PARD3B: variants seen among roughly 807,000 people sequenced by gnomAD.
PARD3B encodes par-3 family cell polarity regulator beta.
In PARD3B, 103 loss-of-function variants were observed where a neutral mutation model predicts 130.2. That is an observed-to-expected ratio of 0.79 (90% CI 0.67 to 0.93). The LOEUF (loss-of-function observed/expected upper bound fraction) is 0.93. Among genes scored for constraint, PARD3B ranks in the 40% least tolerant of loss-of-function variants. The pLI is 0.00. For missense variants in PARD3B, 1,609 were observed against 1,499.2 expected (o/e 1.07, Z -1.21); for synonymous variants, 583 against 553.2 (o/e 1.05, Z -0.76).
rs976549828 is a variant in PARD3B, at chr2:205,268,079, T to C, written c.2185+22257T>C. On this transcript the variant is annotated intron_variant, in intron 16 of 22. Coordinates refer to ENST00000406610, the MANE Select transcript of PARD3B (RefSeq NM_001302769.2). The surrounding 1 kb of genome is among the most constrained non-coding windows in gnomAD (Gnocchi z 4.1). ...TTTAGCTAGTGAGCCCTAGTGAACA[T>C]AGCCATCATTCAACTCCTTGCCTTC... 2.6e-5 allele frequency among the ~76,000 whole-genome samples: 4 copies of C among 152,204 alleles called. No individual in the cohort carries two copies. Among genetic ancestry groups the C allele is most frequent in the African/African-American group, 9.6e-5 (4 of 41,464 alleles).
intron 21 of PARD3B, among the ~76,000 whole-genome samples, chr2:205,533,722 G>GT (rs370835765): frequency 6.6e-6 from 1 of 151,998 alleles, no homozygotes; most frequent in East Asian, 1.9e-4. Flanking sequence ...GGTTTTGGGG[G>GT]TTTTTTGTTT....
intron 1 of PARD3B, among the ~76,000 whole-genome samples, chr2:204,573,691 C>T (rs1327146359): frequency 2.0e-5 from 3 of 152,136 alleles, no homozygotes; most frequent in African/African-American, 7.2e-5. Context: ...GTCCCCGATG[C>T]CCTTGGGTAC....
At chr2:204,737,837 A>G (rs984680724) in intron 2 of PARD3B, among the ~76,000 whole-genome samples, 14 of 152,066 alleles carry the variant, frequency 9.2e-5, no homozygotes, top group Admixed American at 5.2e-4. Context: ...CCATTCCCCA[A>G]TTCATGTTTT....
intron 3 of PARD3B, among the ~76,000 whole-genome samples, chr2:205,010,527 A>G (rs979173286): frequency 2.6e-5 from 4 of 152,250 alleles, no homozygotes; most frequent in Non-Finnish European, 5.9e-5. Context: ...AGATTACATG[A>G]GAGCAAACAC....
intron 3 of PARD3B, among the ~76,000 whole-genome samples, chr2:205,023,871 A>G (rs1445724028): frequency 1.3e-5 from 2 of 152,104 alleles, no homozygotes; most frequent in African/African-American, 2.4e-5. Flanking sequence ...CTCTGGTAGC[A>G]TCTACTTGAT....
chr2:205,331,140 G>A (rs1175814199), intron 18 of PARD3B, among the ~76,000 whole-genome samples: 1 of 151,998 alleles, frequency 6.6e-6, no homozygotes, highest in African/African-American at 2.4e-5. Flanking sequence ...TATGCACAAA[G>A]ACAGGGCAAA....
intron 2 of PARD3B, among the ~76,000 whole-genome samples, chr2:204,911,510 T>C (rs1418352265): frequency 6.6e-6 from 1 of 152,148 alleles, no homozygotes; most frequent in Non-Finnish European, 1.5e-5. Context: ...ATATGAAAAA[T>C]TTTCTATTGT....
chr2:205,482,146 G>T (rs752778905), intron 20 of PARD3B, among the ~76,000 whole-genome samples: 12 of 152,172 alleles, frequency 7.9e-5, no homozygotes, highest in Non-Finnish European at 1.6e-4. Flanking sequence ...TCAAAGTGCT[G>T]GGAGTAAATA....
At chr2:205,294,127 A>G (rs1330731586) in intron 16 of PARD3B, among the ~76,000 whole-genome samples, 1 of 151,806 alleles carries the variant, frequency 6.6e-6, no homozygotes. Context: ...TTGTTTGTTC[A>G]TTTTGTTTTT....
At chr2:205,088,181 C>G (rs1335746997) in intron 4 of PARD3B, among the ~76,000 whole-genome samples, 1 of 152,148 alleles carries the variant, frequency 6.6e-6, no homozygotes, top group African/African-American at 2.4e-5. Context: ...GAGAAGTCAT[C>G]ATTAGCACCC....
At chr2:204,728,586 T>C (rs1559094233) in intron 2 of PARD3B, among the ~76,000 whole-genome samples, 1 of 145,088 alleles carries the variant, frequency 6.9e-6, no homozygotes, top group Non-Finnish European at 1.5e-5. Context: ...TGTAATACTC[T>C]AGCAGTTGCA....
At chr2:205,510,102 C>T (rs2106368348) in intron 21 of PARD3B, among the ~76,000 whole-genome samples, 1 of 152,326 alleles carries the variant, frequency 6.6e-6, no homozygotes, top group East Asian at 1.9e-4. Context: ...AGTTCACATC[C>T]AGGCTGTACC....
chr2:204,989,507 A>G (rs1269441449), intron 3 of PARD3B, among the ~76,000 whole-genome samples: 1 of 152,162 alleles, frequency 6.6e-6, no homozygotes, highest in African/African-American at 2.4e-5. Flanking sequence ...GTGAGCACCC[A>G]TGTAACTAAC....
chr2:204,590,347 A>G (rs2033021854), intron 1 of PARD3B, among the ~76,000 whole-genome samples: 1 of 152,190 alleles, frequency 6.6e-6, no homozygotes, highest in Admixed American at 6.6e-5. Context: ...TTTGATTTCA[A>G]CATATGAATT....
chr2:204,598,489 C>T (rs1231330563), intron 1 of PARD3B, among the ~76,000 whole-genome samples: 3 of 151,990 alleles, frequency 2.0e-5, no homozygotes, highest in Non-Finnish European at 2.9e-5. Context: ...CCTCGATTTC[C>T]TCATCTGTAA....
At chr2:205,184,758 A>G (rs1306293483) in intron 13 of PARD3B, among the ~76,000 whole-genome samples, 1 of 151,316 alleles carries the variant, frequency 6.6e-6, no homozygotes, top group East Asian at 1.9e-4. Context: ...AATAATAATA[A>G]TAAATATATA....
Position 204,799,207 on chromosome 2 carries a change from C to T in PARD3B, c.222+112925C>T, listed in dbSNP as rs1000559320. On this transcript the variant is annotated intron_variant, in intron 2 of 22. Coordinates refer to ENST00000406610, the MANE Select transcript of PARD3B (RefSeq NM_001302769.2). The surrounding 1 kb of genome is among the most constrained non-coding windows in gnomAD (Gnocchi z 4.1). ...AGCTGCCTGAAAAGCCCATGGGCCT[C>T]GAGGGAACATCTGCAGTAGCCAGGC... 6.6e-6 allele frequency among the ~76,000 whole-genome samples: 1 copy of T among 151,902 alleles called. No homozygotes were observed. Among genetic ancestry groups the T allele is most frequent in the Non-Finnish European group, 1.5e-5 (1 of 67,984 alleles).
At chr2:204,546,366 A>G (rs1398909132) in intron 1 of PARD3B, among the ~76,000 whole-genome samples, 2 of 152,120 alleles carry the variant, frequency 1.3e-5, no homozygotes, top group African/African-American at 2.4e-5. Flanking sequence ...GAACTGCCCA[A>G]TATGGGCAGT....
At chr2:205,162,106 G>A (rs1343499157) in intron 11 of PARD3B, among the ~76,000 whole-genome samples, 1 of 152,138 alleles carries the variant, frequency 6.6e-6, no homozygotes, top group East Asian at 1.9e-4. Context: ...ATTTCTAATA[G>A]AGGATGTAAA....
Sources: gnomAD v4.1 joint callset for allele counts (sites outside exome capture counted in the v4.1 genomes callset) on GRCh38, gnomAD v4.1.1 for gene constraint, Gnocchi (gnomAD v3.1) non-coding constraint, MANE v1.5 for transcripts, NCBI Gene and HGNC (gene_info 2026-07-23, HGNC 2026-07-21) for gene names.